The following ABCC8 variants were observed in gnomAD, a reference collection of about 807,000 sequenced individuals.
ABCC8 encodes the protein ATP binding cassette subfamily C member 8.
ABCC8 carries 137 observed loss-of-function variants against 188.0 expected under a neutral mutation model. That is an observed-to-expected ratio of 0.73 (90% CI 0.63 to 0.84). ABCC8 has a LOEUF of 0.84. Ranked by LOEUF, ABCC8 falls within the 40% of genes least tolerant of loss-of-function variation. The probability of loss-of-function intolerance (pLI) is 0.00; values close to 1 mark genes in which losing one functional copy is unlikely to be tolerated. For missense variants in ABCC8, 1,750 were observed against 2,072.7 expected (o/e 0.84, Z 3.02); for synonymous variants, 797 against 846.5 (o/e 0.94, Z 1.01).
rs193922397 is a variant in ABCC8, at chr11:17,442,734, T to C, written c.1616A>G (p.Tyr539Cys). The C allele has an allele frequency of 9.3e-6, 15 of 1,613,650 alleles. No individual in the cohort carries two copies. Among genetic ancestry groups the C allele is most frequent in the Middle Eastern group, 1.8e-4 (1 of 5,676 alleles). ...GGTGAACTCACTGGAGATGGAGGTA[T>C]AGATGGCAAAGGCCCTGAGGCTGGT... ...EMTSLRAFAI[Y>C]TSISIFMNTA... The change falls in exon 10 of 39, where the codon TAT becomes TGT. Residue 539 changes from tyrosine to cysteine, a missense_variant. Coordinates refer to ENST00000389817, the MANE Select transcript of ABCC8 (RefSeq NM_000352.6).
intron 5 of ABCC8, chr11:17,461,166 C>T (rs574121414): frequency 1.2e-5 from 4 of 339,890 alleles, no homozygotes; most frequent in Non-Finnish European, 2.2e-5. Context: ...GGGGAGATTC[C>T]TGTCTGGCTC....
At chr11:17,414,478 C>T in intron 19 of ABCC8, 34 bp downstream of exon 19, 1 of 1,613,474 alleles carries the variant, frequency 6.2e-7, no homozygotes, top group South Asian at 1.1e-5. Flanking sequence ...AGTTCCTCCC[C>T]TCCACATCCT....
At chr11:17,394,477 G>C in intron 36 of ABCC8, 78 bp from the exon 37 acceptor site, 1 of 1,608,428 alleles carries the variant, frequency 6.2e-7, no homozygotes, top group South Asian at 1.1e-5. Flanking sequence ...TGGCTTGGGG[G>C]GCTGTTGGAA....
chr11:17,396,184 G>A, intron 33 of ABCC8: 1 of 775,486 alleles, frequency 1.3e-6, no homozygotes, highest in Non-Finnish European at 2.0e-6. Flanking sequence ...GTGTGGGTCT[G>A]GGTGTGCCGG....
intron 3 of ABCC8, among the ~76,000 whole-genome samples, chr11:17,466,212 A>G (rs960904103): frequency 9.9e-5 from 15 of 152,096 alleles, no homozygotes; most frequent in African/African-American, 3.6e-4. Flanking sequence ...CAGCCTAGCC[A>G]ATATGGTGAA....
At chr11:17,396,797 T>C (rs1425072912) in intron 33 of ABCC8, 119 bp downstream of exon 33, 1 of 1,296,974 alleles carries the variant, frequency 7.7e-7, no homozygotes, top group Non-Finnish European at 1.1e-6. Flanking sequence ...GATGTCTGAA[T>C]AGTGAGAGGC....
At chr11:17,392,828 T>C, downstream of ABCC8, 1 of 802,144 alleles carries the variant, frequency 1.2e-6, no homozygotes, top group East Asian at 2.7e-5. Context: ...GCCAGGCTGG[T>C]TCTACTGAAC....
chr11:17,437,028 T>C (rs1426585723), intron 10 of ABCC8, among the ~76,000 whole-genome samples: 2 of 135,018 alleles, frequency 1.5e-5, no homozygotes, highest in Non-Finnish European at 3.0e-5. Context: ...GAGGCGGAGG[T>C]TGCAGTGAGC....
At chr11:17,450,803 C>T (rs550055008) in intron 7 of ABCC8, among the ~76,000 whole-genome samples, 8 of 150,394 alleles carry the variant, frequency 5.3e-5, no homozygotes, top group South Asian at 4.2e-4. Context: ...ATTCTCCTGC[C>T]TCAGCCTCCT....
intron 21 of ABCC8, 57 bp from the exon 22 acceptor site, chr11:17,410,710 G>A (rs1954768733): frequency 5.0e-6 from 8 of 1,610,508 alleles, no homozygotes; most frequent in Non-Finnish European, 6.8e-6. Context: ...GTGGGGAGGG[G>A]TGACAATGAG....
chr11:17,395,401 G>A lies in ABCC8; in HGVS notation c.4308-126C>T, dbSNP rs1266081905. On this transcript the variant is annotated intron_variant, in intron 35 of 38. Transcript: ENST00000389817. ...GTCTGGCTGGGAGAAGCACCGAGGT[G>A]GTGGCAGTGGGTGGGGGACAGCATC... 4 of 1,520,258 alleles carry A rather than the reference G, an allele frequency of 2.6e-6. No homozygotes were observed. The East Asian group carries it at 9.8e-5, about 37-fold the overall frequency. The allele number at this position is 1,520,258 out of a possible 1,614,324, so 94.2% of individuals were successfully genotyped here. A position where few individuals can be genotyped will look rare whatever the true frequency, so the allele number is the denominator to read the frequency against.
intron 10 of ABCC8, among the ~76,000 whole-genome samples, chr11:17,437,756 T>G (rs1956163982): frequency 6.6e-6 from 1 of 152,176 alleles, no homozygotes; most frequent in African/African-American, 2.4e-5. Flanking sequence ...AGGATATGCA[T>G]AAGCAGCCCA....
intron 2 of ABCC8, among the ~76,000 whole-genome samples, chr11:17,470,878 A>G (rs1160647866): frequency 6.6e-6 from 1 of 152,192 alleles, no homozygotes; most frequent in Non-Finnish European, 1.5e-5. Flanking sequence ...ACCCAGAGGC[A>G]GCCAGAGCCT....
intron 17 of ABCC8, 123 bp from the exon 18 acceptor site, chr11:17,415,462 T>C: frequency 6.5e-7 from 1 of 1,539,360 alleles, no homozygotes; most frequent in Non-Finnish European, 8.7e-7. Flanking sequence ...ACCCAGTCTG[T>C]AGCCACAAAT....
intron 8 of ABCC8, 31 bp from the exon 9 acceptor site, chr11:17,443,343 T>C (rs781323965): frequency 6.2e-7 from 1 of 1,613,798 alleles, no homozygotes; most frequent in South Asian, 1.1e-5. Context: ...CAGGTCCCTT[T>C]GACCTGATGG....
rs1564905523 is a variant in ABCC8, at chr11:17,414,546, TCTC to T, written c.2353_2355del (p.Glu785del). 6.2e-7 allele frequency: 1 copy of T among 1,614,152 alleles called. No homozygotes were observed. Among genetic ancestry groups the T allele is most frequent in the East Asian group, 2.2e-5 (1 of 44,872 alleles). ...TTGAAGGGACTCTCAAAGATGATGT[TCTC>T]CTCCACAGTGGCATTTAGCAGCCAT... On this transcript the variant is annotated inframe_deletion, in exon 19 of 39. Transcript: ENST00000389817.
chr11:17,448,822 C>G lies in ABCC8; in HGVS notation c.1177-151G>C, dbSNP rs551531424. ...TGTAAGGTGGTACTGTATCACCGTT[C>G]CAACTTACTAGTCTACTCCAGCACA... On this transcript the variant is annotated intron_variant, in intron 7 of 38. Transcript: ENST00000389817. The G allele has an allele frequency of 1.6e-4, 201 of 1,234,942 alleles. No individual in the cohort carries two copies. In the African/African-American group the frequency reaches 2.8e-3, roughly 17 times the overall value. 76.5% of individuals were successfully genotyped at this position (1,234,942 alleles called of 1,614,324 possible).
chr11:17,436,304 C>T, intron 10 of ABCC8: 1 of 375,864 alleles, frequency 2.7e-6, no homozygotes, highest in Non-Finnish European at 5.0e-6. Flanking sequence ...TTGTTACAGG[C>T]TCTGGCACCT....
Position 17,427,241 on chromosome 11 carries a change from C to T in ABCC8, c.2117-87G>A. 7.0e-7 allele frequency: 1 copy of T among 1,421,346 alleles called. No individual in the cohort carries two copies. Among genetic ancestry groups the T allele is most frequent in the Non-Finnish European group, 9.2e-7 (1 of 1,085,686 alleles). 88.0% of individuals were successfully genotyped at this position (1,421,346 alleles called of 1,614,324 possible). ...AGAAAGACAGACAGACAGATGCACC[C>T]AACCCTGGGGCCCCTGTTTTCTTTC... is the stretch of plus-strand genomic sequence containing the variant. On this transcript the variant is annotated intron_variant, in intron 15 of 38. Transcript: ENST00000389817. This position sits in a 1 kb window ranked among gnomAD's most constrained non-coding sequence, Gnocchi z 5.0.
Sources: gnomAD v4.1 joint callset for allele counts (sites outside exome capture counted in the v4.1 genomes callset) on GRCh38, gnomAD v4.1.1 for gene constraint, Gnocchi (gnomAD v3.1) non-coding constraint, MANE v1.5 for transcripts, NCBI Gene and HGNC (gene_info 2026-07-23, HGNC 2026-07-21) for gene names.